Variants in PTPRD observed in about 807,000 individuals in gnomAD.
The protein encoded by PTPRD is protein tyrosine phosphatase receptor type D.
In PTPRD, 34 loss-of-function variants were observed where a neutral mutation model predicts 214.5. The observed-to-expected ratio is 0.16, with a 90% CI of 0.12 to 0.21. PTPRD has a LOEUF of 0.21. Ranked by LOEUF, PTPRD falls within the 10% of genes least tolerant of loss-of-function variation. The pLI is 1.00. For synonymous variants in PTPRD, 1,128 were observed against 845.7 expected (o/e 1.33, Z -5.79); for missense variants, 2,545 against 2,398.7 (o/e 1.06, Z -1.27).
rs1333617486 is a variant in PTPRD, at chr9:9,266,167, G to A, written c.-202-82804C>T. Among the ~76,000 whole-genome samples the A allele has an allele frequency of 2.0e-5, 3 of 151,414 alleles. No individual in the cohort carries two copies. The East Asian group carries it at 5.9e-4, about 30-fold the overall frequency. ...AAAGTCATTTTATAATGATAAAAGG[G>A]TCAAATCATCAAAAGGATGTAGCAA... On this transcript the variant is annotated intron_variant, in intron 9 of 45. Transcript: ENST00000381196.
At chr9:9,057,335 G>C (rs1048039555) in intron 10 of PTPRD, among the ~76,000 whole-genome samples, 7 of 151,946 alleles carry the variant, frequency 4.6e-5, no homozygotes, top group Non-Finnish European at 8.8e-5. Flanking sequence ...GAGCTGAAAG[G>C]GGCCTTGGAG....
intron 10 of PTPRD, among the ~76,000 whole-genome samples, chr9:9,065,499 G>A (rs1334644272): frequency 6.6e-6 from 1 of 152,214 alleles, no homozygotes; most frequent in African/African-American, 2.4e-5. Flanking sequence ...ACACGGTCAA[G>A]TGTGTAGGAC....
At chr9:9,836,301 T>C (rs1202999081) in intron 5 of PTPRD, among the ~76,000 whole-genome samples, 1 of 152,166 alleles carries the variant, frequency 6.6e-6, no homozygotes, top group Non-Finnish European at 1.5e-5. Flanking sequence ...AGGAAACTTT[T>C]AATATCATGT....
intron 35 of PTPRD, among the ~76,000 whole-genome samples, chr9:8,407,107 C>G (rs375918527): frequency 6.6e-6 from 1 of 152,162 alleles, no homozygotes; most frequent in Non-Finnish European, 1.5e-5. Context: ...TACTTGATAC[C>G]TACATTGAAG....
chr9:8,908,224 T>A (rs2098721955), intron 11 of PTPRD, among the ~76,000 whole-genome samples: 1 of 151,972 alleles, frequency 6.6e-6, no homozygotes, highest in Non-Finnish European at 1.5e-5. Flanking sequence ...GAAAGCAAAA[T>A]AAAGACATTC....
chr9:9,114,280 T>C (rs2099810040), intron 10 of PTPRD, among the ~76,000 whole-genome samples: 1 of 152,150 alleles, frequency 6.6e-6, no homozygotes, highest in African/African-American at 2.4e-5. Context: ...AGGGCACTTA[T>C]GTCTGTGTAT....
At position 8,755,234 on chromosome 9, in the gene PTPRD, A is replaced by T. The variant is rs374813354; in HGVS notation, c.-103-21288T>A. ...TGTTATTATTAAAAAAAAAAAAAAC[A>T]AAAAAAACAAACAGGCCAGGTGCGG... On this transcript the variant is annotated intron_variant, in intron 11 of 45. Transcript: ENST00000381196. Among the ~76,000 whole-genome samples the T allele has an allele frequency of 3.5e-4, 47 of 134,518 alleles. 1 individual carries two copies. In the East Asian group the frequency reaches 7.5e-3, roughly 21 times the overall value. The allele number at this position is 134,518 out of a possible 152,430, so 88.2% of individuals were successfully genotyped here. A position where few individuals can be genotyped will look rare whatever the true frequency, so the allele number is the denominator to read the frequency against.
intron 14 of PTPRD, among the ~76,000 whole-genome samples, chr9:8,533,265 T>C (rs2076155345): frequency 2.0e-5 from 3 of 152,038 alleles, no homozygotes; most frequent in Admixed American, 1.3e-4. Context: ...TCTTGCCTAA[T>C]CTTGCTAGGG....
intron 29 of PTPRD, among the ~76,000 whole-genome samples, chr9:8,484,601 C>T (rs1247445126): frequency 1.7e-5 from 2 of 121,138 alleles, no homozygotes; most frequent in East Asian, 2.3e-4. Context: ...CAAAAATACA[C>T]AAAGATAGAT....
chr9:9,539,143 T>C (rs1419788892), intron 8 of PTPRD, among the ~76,000 whole-genome samples: 1 of 151,586 alleles, frequency 6.6e-6, no homozygotes, highest in Non-Finnish European at 1.5e-5. Context: ...AAAGAAGGAG[T>C]TACTTAAAAC....
At chr9:9,997,700 T>C (rs2096175585) in intron 4 of PTPRD, among the ~76,000 whole-genome samples, 1 of 152,112 alleles carries the variant, frequency 6.6e-6, no homozygotes, top group Non-Finnish European at 1.5e-5. Context: ...TCCTGAAACG[T>C]TTTTTTCTAG....
At chr9:9,660,559 T>C (rs1455921363) in intron 7 of PTPRD, among the ~76,000 whole-genome samples, 3 of 152,020 alleles carry the variant, frequency 2.0e-5, no homozygotes, top group African/African-American at 7.2e-5. Flanking sequence ...TGTAACTCTA[T>C]CACAAGTTAT....
chr9:9,548,070 A>G (rs2079236145), intron 8 of PTPRD, among the ~76,000 whole-genome samples: 1 of 152,048 alleles, frequency 6.6e-6, no homozygotes, highest in Non-Finnish European at 1.5e-5. Context: ...TGAAGTTGAA[A>G]TAAAGATATT....
At chr9:9,990,828 G>C (rs2154078630) in intron 4 of PTPRD, among the ~76,000 whole-genome samples, 1 of 152,132 alleles carries the variant, frequency 6.6e-6, no homozygotes, top group South Asian at 2.1e-4. Context: ...CACCACATTA[G>C]ATACTGTCCA....
chr9:10,125,622 TTGTGTGTGTGTGTGTGTGTGTGTG>T (rs35164422), intron 3 of PTPRD, among the ~76,000 whole-genome samples: 1 of 139,296 alleles, frequency 7.2e-6, no homozygotes, highest in Non-Finnish European at 1.6e-5. Context: ...GCTCGGCTAA[TTGTGTGTGTGTGTGTGTGTGTGTG>T]TGTGTGTGTG....
chr9:9,543,390 G>T (rs1000488883), intron 8 of PTPRD, among the ~76,000 whole-genome samples: 4 of 151,494 alleles, frequency 2.6e-5, no homozygotes, highest in African/African-American at 9.7e-5. Flanking sequence ...TAATTCCAAA[G>T]GTATAAGGTA....
At chr9:9,242,891 G>A (rs1015991854) in intron 9 of PTPRD, among the ~76,000 whole-genome samples, 16 of 152,166 alleles carry the variant, frequency 1.1e-4, no homozygotes, top group Non-Finnish European at 1.5e-4. Flanking sequence ...GAGGAGCTGC[G>A]TTCCTTTGGA....
intron 12 of PTPRD, among the ~76,000 whole-genome samples, chr9:8,660,711 C>A (rs747589507): frequency 6.6e-6 from 1 of 152,142 alleles, no homozygotes; most frequent in East Asian, 1.9e-4. Context: ...CCTGCTAAGC[C>A]CTATATTGTA....
intron 14 of PTPRD, among the ~76,000 whole-genome samples, chr9:8,599,827 G>C (rs1176277036): frequency 3.3e-5 from 5 of 151,910 alleles, no homozygotes; most frequent in African/African-American, 1.2e-4. Flanking sequence ...ATGTTGGTCA[G>C]GCTGGTCTCA....
Sources: allele counts gnomAD v4.1 joint callset (sites outside exome capture counted in the v4.1 genomes callset), GRCh38; gene constraint gnomAD v4.1.1; transcripts MANE v1.5; gene names NCBI Gene and HGNC (gene_info 2026-07-23, HGNC 2026-07-21).